The following OCM variants were observed in gnomAD, a reference collection of about 807,000 sequenced individuals.
The protein encoded by OCM is oncomodulin-1.
Under a neutral mutation model 14.1 loss-of-function variants are expected in OCM, and 18 were observed. The observed-to-expected ratio is 1.28, with a 90% CI of 0.88 to 1.89. The LOEUF is 1.89. Among genes scored for constraint, OCM ranks in the 40% most tolerant of loss-of-function variants. OCM has a pLI of 0.00. For missense variants in OCM, 140 were observed against 137.6 expected (o/e 1.02, Z -0.09); for synonymous variants, 48 against 51.0 (o/e 0.94, Z 0.25).
At chr7:5,878,393 G>T (rs1204224372), upstream of OCM, among the ~76,000 whole-genome samples, 1 of 151,846 alleles carries the variant, frequency 6.6e-6, no homozygotes, top group African/African-American at 2.4e-5. Context: ...AAATTATAGA[G>T]ATCTCTCGTT....
chr7:5,866,951 G>C, the OCM span, among the ~76,000 whole-genome samples: 38 of 152,170 alleles, frequency 2.5e-4, 1 homozygote, highest in African/African-American at 9.2e-4. Context: ...TTAACGTAGT[G>C]CCTGTTTCAC....
At chr7:5,878,013 C>G (rs1482912164), upstream of OCM, among the ~76,000 whole-genome samples, 3 of 150,684 alleles carry the variant, frequency 2.0e-5, no homozygotes, top group Admixed American at 1.3e-4. Flanking sequence ...CTCTGTCACC[C>G]AGGCTGTAGT....
chr7:5,876,869 G>A (rs931267569), upstream of OCM, among the ~76,000 whole-genome samples: 164 of 150,942 alleles, frequency 1.1e-3, no homozygotes, highest in African/African-American at 3.8e-3. Flanking sequence ...GCAATGGTGC[G>A]ATCTCGGCTC....
chr7:5,877,867 A>G (rs1277402733), upstream of OCM, among the ~76,000 whole-genome samples: 1 of 151,582 alleles, frequency 6.6e-6, no homozygotes, highest in African/African-American at 2.4e-5. Flanking sequence ...ACATGCCACA[A>G]CATGGATGAA....
chr7:5,886,035 T>C, intron 3 of OCM, 29 bp from the exon 4 acceptor site: 2 of 1,614,114 alleles, frequency 1.2e-6, no homozygotes, highest in South Asian at 2.2e-5. Flanking sequence ...CCACCTCCAC[T>C]GACCCTGTTC....
intron 3 of OCM, among the ~76,000 whole-genome samples, chr7:5,885,857 C>A (rs1583173342): frequency 1.3e-5 from 2 of 152,298 alleles, no homozygotes; most frequent in Admixed American, 1.3e-4. Context: ...GATCCACCCG[C>A]CTCGGCCTCC....
chr7:5,870,361 C>T, the OCM span, among the ~76,000 whole-genome samples: 174 of 152,320 alleles, frequency 1.1e-3, 2 homozygotes, highest in Non-Finnish European at 1.9e-4. Context: ...ATCCTCCCTG[C>T]CTCAGCCTCC....
chr7:5,868,452 C>T, the OCM span, among the ~76,000 whole-genome samples: 30 of 151,968 alleles, frequency 2.0e-4, no homozygotes, highest in African/African-American at 7.2e-4. Context: ...CGGCCACTCC[C>T]ATCTTTATTT....
chr7:5,881,702 T>G (rs1447946877), intron 1 of OCM, among the ~76,000 whole-genome samples: 1 of 152,008 alleles, frequency 6.6e-6, no homozygotes, highest in African/African-American at 2.4e-5. Context: ...AAACTGCTAT[T>G]TATTAGATAA....
At chr7:5,862,297 C>A in the OCM span, among the ~76,000 whole-genome samples, 2 of 152,044 alleles carry the variant, frequency 1.3e-5, no homozygotes, top group African/African-American at 4.8e-5. Flanking sequence ...AAATGGAGAG[C>A]TGTATTTTCA....
the OCM span, among the ~76,000 whole-genome samples, chr7:5,869,949 G>A: frequency 6.6e-6 from 1 of 152,140 alleles, no homozygotes; most frequent in Non-Finnish European, 1.5e-5. Flanking sequence ...CTGACAAGCG[G>A]TTAAATACAG....
the OCM span, among the ~76,000 whole-genome samples, chr7:5,862,752 GTTTAC>G: frequency 4.0e-5 from 6 of 151,576 alleles, no homozygotes; most frequent in South Asian, 2.1e-4. Context: ...TCCTTTTCAA[GTTTAC>G]TTTATCTTGC....
chr7:5,882,669 T>C (rs911539384), intron 2 of OCM, 44 bp downstream of exon 2: 21 of 1,610,306 alleles, frequency 1.3e-5, no homozygotes, highest in African/African-American at 4.0e-5. Context: ...CACTGCTGAG[T>C]GGGCCTGGGG....
At chr7:5,867,979 C>G in the OCM span, among the ~76,000 whole-genome samples, 1 of 151,994 alleles carries the variant, frequency 6.6e-6, no homozygotes, top group African/African-American at 2.4e-5. Flanking sequence ...CTCTAGTGAT[C>G]CACCCACCTC....
At chr7:5,860,147 A>T in the OCM span, among the ~76,000 whole-genome samples, 4 of 151,870 alleles carry the variant, frequency 2.6e-5, no homozygotes, top group Admixed American at 6.6e-5. Context: ...CTCTCTCATT[A>T]TGTGGGGTTT....
the OCM span, among the ~76,000 whole-genome samples, chr7:5,873,451 C>T: frequency 6.6e-6 from 1 of 152,002 alleles, no homozygotes; most frequent in Non-Finnish European, 1.5e-5. Context: ...GTAGTCCCAC[C>T]TACTCAGGAG....
rs745567019 is a variant in OCM at position 5,880,905 on chromosome 7, G to C, written c.16G>C (p.Val6Leu). 4.3e-6 allele frequency: 7 copies of C among 1,614,036 alleles called. No homozygotes were observed. The highest frequency in any genetic ancestry group is 1.1e-5 in the South Asian group (1 of 91,078). ...TAGGTAGAAAATGAGCATCACGGAC[G>C]TGCTCAGTGCTGACGACATTGCAGC... Reference protein sequence around the residue: MSITDVLSADDIAAAL... With the variant: MSITDLLSADDIAAAL... The change falls in exon 1 of 4, where the codon GTG becomes CTG. Residue 6 changes from valine (V) to leucine (L), a missense_variant. Transcript: ENST00000242104.
chr7:5,872,162 C>G, the OCM span: 1 of 152,168 alleles, frequency 6.6e-6, no homozygotes, highest in Non-Finnish European at 1.5e-5. Context: ...TGCATTTTGC[C>G]CTGGCCCGTG....
chr7:5,875,077 C>T (rs1437816781), upstream of OCM, among the ~76,000 whole-genome samples: 10 of 142,882 alleles, frequency 7.0e-5, no homozygotes, highest in South Asian at 2.2e-4. Flanking sequence ...TTTTTTGAGA[C>T]GGAGTCTTGC....
Sources: allele counts gnomAD v4.1 joint callset (sites outside exome capture counted in the v4.1 genomes callset), GRCh38; gene constraint gnomAD v4.1.1; transcripts MANE v1.5; gene names NCBI Gene and HGNC (gene_info 2026-07-23, HGNC 2026-07-21).